The following FLT4 variants were observed in gnomAD, a reference collection of about 807,000 sequenced individuals.
FLT4 encodes fms related receptor tyrosine kinase 4.
A neutral mutation model predicts 163.2 loss-of-function variants in FLT4; 30 were observed. The observed-to-expected ratio is 0.18, with a 90% CI of 0.14 to 0.25. FLT4 has a LOEUF of 0.25. Among genes scored for constraint, FLT4 ranks in the 10% least tolerant of loss-of-function variants. The probability of loss-of-function intolerance (pLI) is 1.00; values close to 1 mark genes in which losing one functional copy is unlikely to be tolerated. For synonymous variants in FLT4, 884 were observed against 789.5 expected (o/e 1.12, Z -2.01); for missense variants, 1,510 against 1,863.8 (o/e 0.81, Z 3.50).
intron 1 of FLT4, among the ~76,000 whole-genome samples, chr5:180,642,386 T>C (rs1218256876): frequency 6.6e-6 from 1 of 151,910 alleles, no homozygotes; most frequent in Non-Finnish European, 1.5e-5. Context: ...AGGGGCATTG[T>C]AGACTGATTA....
Position 180,603,299 on chromosome 5 carries a change from C to T in FLT4, c.3985G>A (p.Gly1329Ser), listed in dbSNP as rs765704568. 51 of 1,614,020 alleles carry T rather than the reference C, an allele frequency of 3.2e-5. No homozygotes were observed. Among genetic ancestry groups the T allele is most frequent in the East Asian group, 2.7e-4 (12 of 44,888 alleles). ...RRRPERGARG[G>S]QVFYNSEYGE... ...TACTCGCTGTTGTAAAACACCTGGCCTCCTCGGGCCCCCCGCTCAGGCCGC... is the reference window on the plus strand; with the variant it reads ...TACTCGCTGTTGTAAAACACCTGGCTTCCTCGGGCCCCCCGCTCAGGCCGC... Residue 1329 changes from glycine to serine, a missense_variant, in exon 30 of 30, where the codon GGC (glycine) becomes AGC (serine). Gly to Ser is a moderately conservative substitution (Grantham distance 56). This residue lies in a region of FLT4 where 295 missense variants were observed against 311.0 expected (regional missense o/e 0.95). Transcript: ENST00000261937.
chr5:180,640,628 T>C (rs968267528), intron 1 of FLT4, among the ~76,000 whole-genome samples: 1 of 152,250 alleles, frequency 6.6e-6, no homozygotes, highest in African/African-American at 2.4e-5. Context: ...GCCGTTTTTT[T>C]CAAAAGCTTC....
chr5:180,624,202 A>T, intron 10 of FLT4, 141 bp from the exon 11 acceptor site: 3 of 750,256 alleles, frequency 4.0e-6, no homozygotes, highest in Non-Finnish European at 6.6e-6. Context: ...GGCCTGGGTG[A>T]GGGAGATGGG....
At chr5:180,638,531 T>C (rs78320108) in intron 1 of FLT4, among the ~76,000 whole-genome samples, 4,243 of 152,234 alleles carry the variant, frequency 0.028, 91 homozygotes, top group South Asian at 0.11. Context: ...AGTGACACTT[T>C]AAAAAGCACA....
chr5:180,637,641 T>C (rs1764789876), intron 1 of FLT4, among the ~76,000 whole-genome samples: 1 of 152,196 alleles, frequency 6.6e-6, no homozygotes, highest in Admixed American at 6.5e-5. Flanking sequence ...CAAGTGATTC[T>C]CCTGCCTCAA....
At chr5:180,622,932 C>CCG in intron 11 of FLT4, 93 bp from the exon 12 acceptor site, 1 of 792,558 alleles carries the variant, frequency 1.3e-6, no homozygotes, top group Non-Finnish European at 2.2e-6. Context: ...TGCACCACCC[C>CCG]CCCCAATCAT....
Position 180,603,373 on chromosome 5 carries a change from T to C in FLT4, c.3911A>G (p.Gln1304Arg). ...ESGFSCKGPGQNVAVTRAHPD... is the reference protein window; with the variant it reads ...ESGFSCKGPGRNVAVTRAHPD... ...GTGTGCCCTGGTCACAGCCACATTC[T>C]GGCCAGGTCCTTTACAGCTGCCAAG... Residue 1304 changes from glutamine (Q) to arginine (R), a missense_variant, in exon 30 of 30, where the codon CAG becomes CGG. This residue lies in a region of FLT4 where 295 missense variants were observed against 311.0 expected (regional missense o/e 0.95). Transcript: ENST00000261937. 1.2e-6 allele frequency: 2 copies of C among 1,614,066 alleles called. No individual in the cohort carries two copies. Among genetic ancestry groups the C allele is most frequent in the Non-Finnish European group, 1.7e-6 (2 of 1,179,976 alleles).
chr5:180,609,220 G>A lies in FLT4; in HGVS notation c.3808-167C>T, dbSNP rs56130817. ...GGCGTCCATTCCATCCCAGGGTGAG[G>A]GTCACATGCCCCTGCCACGGAGGGA... On this transcript the variant is annotated intron_variant, in intron 28 of 29. Transcript: ENST00000261937. The A allele has an allele frequency of 3.0e-3, 1,985 of 663,802 alleles. 2 individuals are homozygous for A. The highest frequency in any genetic ancestry group is 4.4e-3 in the Non-Finnish European group (1,606 of 363,044). The allele number at this position is 663,802 out of a possible 1,614,324, so 41.1% of individuals were successfully genotyped here.
Position 180,625,881 on chromosome 5 carries a change from G to T in FLT4, c.1409C>A (p.Ala470Asp). 1 of 1,611,706 alleles carries T rather than the reference G, an allele frequency of 6.2e-7. No homozygotes were observed. The highest frequency in any genetic ancestry group is 8.5e-7 in the Non-Finnish European group (1 of 1,179,896). Residue 470 changes from alanine to aspartate, a missense_variant, in exon 10 of 30, where the codon GCC (alanine) becomes GAC (aspartate). Transcript: ENST00000261937. The stretch of plus-strand genomic sequence containing the variant: ...GAGCTGTACTCACAGACTACGCTGG[G>T]CAAACATCTTGCAGGGTGTCCAGGG... ...WRPWTPCKMF[A>D]QRSLRRRQQQ...
intron 1 of FLT4, among the ~76,000 whole-genome samples, chr5:180,647,998 G>T (rs1326965522): frequency 6.6e-6 from 1 of 152,122 alleles, no homozygotes; most frequent in Non-Finnish European, 1.5e-5. Flanking sequence ...CTCCTCCAGG[G>T]TTCCCCTCCC....
chr5:180,612,959 C>A (rs377541952), intron 25 of FLT4, 52 bp downstream of exon 25: 2 of 1,403,074 alleles, frequency 1.4e-6, no homozygotes, highest in African/African-American at 1.4e-5. Context: ...ACAACCCCCA[C>A]GCCCCCGACG....
In FLT4 at chr5:180,645,140, G is replaced by C. The variant is rs549236425; in HGVS notation, c.58+4348C>G. Among the ~76,000 whole-genome samples the C allele has an allele frequency of 4.6e-5, 7 of 152,348 alleles. No individual in the cohort carries two copies. In the South Asian group the frequency reaches 8.3e-4, roughly 18 times the overall value. On this transcript the variant is annotated intron_variant, in intron 1 of 29. Transcript: ENST00000261937. ...CTTATCTTGTGGGTGAGTTGGGGGG[G>C]GCCCTGAAGGCTCATTTACAGCAGT...
intron 23 of FLT4, among the ~76,000 whole-genome samples, chr5:180,615,126 G>A (rs1762540734): frequency 6.6e-6 from 1 of 151,996 alleles, no homozygotes; most frequent in Admixed American, 6.6e-5. Context: ...ATCAGAACAA[G>A]CTCCAATCGG....
intron 8 of FLT4, 61 bp downstream of exon 8, chr5:180,628,821 C>G (rs111396568): frequency 8.5e-7 from 1 of 1,182,658 alleles, no homozygotes; most frequent in Non-Finnish European, 1.2e-6. Flanking sequence ...CCCCTATGGT[C>G]TGTTTTGCCC....
rs749747524 is a variant in FLT4, at chr5:180,618,825, G to A, written c.2946C>T (p.Phe982=). The part of the protein sequence containing the change: ...RRPGSSDRVL[F]ARFSKTEGGA... ...CGCCCTCGGTCTTCGAGAACCGCGC[G>A]AAGAGGACCCTGTCGCTGCTCCCCG... Residue 982 remains phenylalanine (F), a synonymous_variant, in exon 21 of 30, where the codon TTC becomes TTT. Transcript: ENST00000261937. 2 of 1,585,688 alleles carry A rather than the reference G, an allele frequency of 1.3e-6. No individual in the cohort carries two copies. Among genetic ancestry groups the A allele is most frequent in the Admixed American group, 1.8e-5 (1 of 56,530 alleles).
intron 1 of FLT4, among the ~76,000 whole-genome samples, chr5:180,639,079 G>A (rs1764899511): frequency 1.3e-5 from 2 of 151,826 alleles, no homozygotes; most frequent in African/African-American, 4.8e-5. Flanking sequence ...GGATGGGTAG[G>A]TAGGTGGATA....
intron 1 of FLT4, among the ~76,000 whole-genome samples, chr5:180,632,409 G>A (rs1025110235): frequency 5.3e-5 from 8 of 151,714 alleles, no homozygotes; most frequent in African/African-American, 7.2e-5. Context: ...AGCCTCCTCC[G>A]GGCTCTCCCT....
At position 180,628,105 on chromosome 5, in the gene FLT4, C is replaced by T. The variant is rs1221394244; in HGVS notation, c.1103+777G>A. 3.3e-5 allele frequency among the ~76,000 whole-genome samples: 5 copies of T among 152,200 alleles called. No individual in the cohort carries two copies. The East Asian group carries it at 9.6e-4, about 29-fold the overall frequency. On this transcript the variant is annotated intron_variant, in intron 8 of 29. Transcript: ENST00000261937. ...GGCTGAAGAGAAGGAGGCTCTTGGG[C>T]TAGCTCAGTGCAGAGACCCCTCCTG...
chr5:180,644,276 G>A (rs11960332), intron 1 of FLT4, among the ~76,000 whole-genome samples: 24,272 of 152,258 alleles, frequency 0.16, 2,450 homozygotes, highest in East Asian at 0.53. Context: ...AGGCGTGAGC[G>A]GAAAGAGGGC....
Sources: allele counts gnomAD v4.1 joint callset (sites outside exome capture counted in the v4.1 genomes callset), GRCh38; gene constraint gnomAD v4.1.1; regional missense constraint gnomAD v4.1.1; transcripts MANE v1.5; gene names NCBI Gene and HGNC (gene_info 2026-07-23, HGNC 2026-07-21).